Variants in DLST observed in about 807,000 individuals in gnomAD.
DLST encodes dihydrolipoyllysine-residue succinyltransferase component of 2-oxoglutarate dehydrogenase complex, mitochondrial.
A neutral mutation model predicts 53.1 loss-of-function variants in DLST; 17 were observed. The ratio of observed to expected loss-of-function variants is 0.32; its 90% CI spans 0.22 to 0.48. The LOEUF (loss-of-function observed/expected upper bound fraction) is 0.48, where lower values mean the gene tolerates loss of function less well. Among genes scored for constraint, DLST ranks in the 20% least tolerant of loss-of-function variants. The pLI is 0.99. For synonymous variants in DLST, 206 were observed against 204.8 expected (o/e 1.01, Z -0.05); for missense variants, 512 against 583.9 (o/e 0.88, Z 1.27).
Position 74,891,054 on chromosome 14 carries a change from A to G in DLST, c.331-2A>G, listed in dbSNP as rs1478734100. The G allele has an allele frequency of 2.5e-6, 4 of 1,606,788 alleles. No individual in the cohort carries two copies. Among genetic ancestry groups the G allele is most frequent in the Non-Finnish European group, 3.4e-6 (4 of 1,174,964 alleles). On this transcript the variant is annotated splice_acceptor_variant, in intron 6 of 14. Coordinates refer to ENST00000334220, the MANE Select transcript of DLST (RefSeq NM_001933.5). LOFTEE classifies it high-confidence loss of function. ...CTTCCTCCATCTGTCTTCCTCTTCC[A>G]GACATCTGTGCAGGTTCCATCACCA...
intron 2 of DLST, among the ~76,000 whole-genome samples, chr14:74,884,316 T>TG (rs146494325): frequency 6.6e-6 from 1 of 152,250 alleles, no homozygotes; most frequent in African/African-American, 2.4e-5. Flanking sequence ...CGGCTTGTAG[T>TG]GGACTCTCAA....
intron 3 of DLST, among the ~76,000 whole-genome samples, chr14:74,887,152 T>C (rs2300596): frequency 0.64 from 96,748 of 152,032 alleles, 32,357 homozygotes; most frequent in African/African-American, 0.86. Context: ...AGATTTATCT[T>C]AAAATGGCAA....
intron 10 of DLST, among the ~76,000 whole-genome samples, chr14:74,895,683 T>TGAGGCCAGGAGTTC (rs1884055384): frequency 6.6e-6 from 1 of 152,138 alleles, no homozygotes; most frequent in East Asian, 1.9e-4. Flanking sequence ...GTGGATCACA[T>TGAGGCCAGGAGTTC]GAGGCCAGGA....
intron 13 of DLST, among the ~76,000 whole-genome samples, chr14:74,900,607 G>A (rs571759105): frequency 6.6e-6 from 1 of 152,344 alleles, no homozygotes; most frequent in South Asian, 2.1e-4. Context: ...GTCTTCAACT[G>A]TATGAAATTG....
chr14:74,886,283 G>A (rs1340406508), intron 3 of DLST, among the ~76,000 whole-genome samples: 1 of 152,218 alleles, frequency 6.6e-6, no homozygotes, highest in Non-Finnish European at 1.5e-5. Context: ...AAGTGAAGAG[G>A]TCAGCGGATG....
In DLST at chr14:74,889,110, C is replaced by T. The variant is rs1375855946; in HGVS notation, c.162C>T (p.Val54=). The T allele has an allele frequency of 1.9e-6, 3 of 1,614,008 alleles. No homozygotes were observed. Among genetic ancestry groups the T allele is most frequent in the Non-Finnish European group, 2.5e-6 (3 of 1,180,034 alleles). Reference sequence around the variant, plus strand: ...TCTTTTGTAGCATTAACAACAGTGTCTTCAGTGTTCGCTTTTTCAGAACTA... The same window carrying T: ...TCTTTTGTAGCATTAACAACAGTGTTTTCAGTGTTCGCTTTTTCAGAACTA... ...NSRKVVINNS[V]FSVRFFRTTA... The change falls in exon 4 of 15, where the codon GTC becomes GTT. Residue 54 remains valine (V), a synonymous_variant. Transcript: ENST00000334220.
chr14:74,889,884 A>C lies in DLST; in HGVS notation c.275-13A>C. 1 of 1,613,668 alleles carries C rather than the reference A, an allele frequency of 6.2e-7. No individual in the cohort carries two copies. Among genetic ancestry groups the C allele is most frequent in the South Asian group, 1.1e-5 (1 of 91,028 alleles). ...CTAACAGGTAGCCTTGTAGCCTTTG[A>C]TTGTCTTTTCAGCTGTTGGAGACAC... is the stretch of plus-strand genomic sequence containing the variant. On this transcript the variant is annotated splice_polypyrimidine_tract_variant and intron_variant, in intron 5 of 14. Transcript: ENST00000334220.
chr14:74,887,283 C>A (rs1445684223), intron 3 of DLST, among the ~76,000 whole-genome samples: 1 of 152,086 alleles, frequency 6.6e-6, no homozygotes, highest in Non-Finnish European at 1.5e-5. Context: ...TGTAAGTATT[C>A]TTTTTGCTAT....
chr14:74,896,551 T>C (rs1884082961), intron 10 of DLST, among the ~76,000 whole-genome samples: 1 of 152,226 alleles, frequency 6.6e-6, no homozygotes, highest in African/African-American at 2.4e-5. Flanking sequence ...GCTGTGGCAT[T>C]GTTCAGAGTA....
intron 5 of DLST, chr14:74,889,653 CTGAGCCACTGCG>C (rs1020443089): frequency 6.5e-5 from 36 of 556,718 alleles, no homozygotes; most frequent in East Asian, 3.3e-4. Flanking sequence ...GATTACAGGC[CTGAGCCACTGCG>C]TGAGCCACTG....
chr14:74,890,090 T>A, intron 6 of DLST, 138 bp downstream of exon 6: 5 of 533,040 alleles, frequency 9.4e-6, no homozygotes, highest in Non-Finnish European at 1.6e-5. Context: ...TTGGATTTGT[T>A]CAATTTAAAA....
At position 74,881,922 on chromosome 14, in the gene DLST, G is replaced by C. The variant is rs1429590232; in HGVS notation, c.-32G>C. ...CCGGTTGTTGTCCGGCCCTATATCC[G>C]GTGTCCGCCCGCCCTCGGCTCCTCC... On this transcript the variant is annotated 5_prime_UTR_variant, in exon 1 of 15. Transcript: ENST00000334220. The C allele has an allele frequency of 1.3e-6, 2 of 1,518,350 alleles. No homozygotes were observed. The highest frequency in any genetic ancestry group is 1.8e-6 in the Non-Finnish European group (2 of 1,138,420). The allele number at this position is 1,518,350 out of a possible 1,614,324, so 94.1% of individuals were successfully genotyped here.
chr14:74,894,293 GT>G lies in DLST; in HGVS notation c.673-17del. ...CAGAGAGATCAGATTGTCAATGCTT[GT>G]TCCACTCTTACTTTCAGGAGAAAAT... On this transcript the variant is annotated intron_variant, in intron 9 of 14. Transcript: ENST00000334220. 1.2e-6 allele frequency: 2 copies of G among 1,613,680 alleles called. No homozygotes were observed. The highest frequency in any genetic ancestry group is 1.7e-6 in the Non-Finnish European group (2 of 1,179,780).
In DLST at chr14:74,900,513, AT is replaced by A. The variant is rs1448428561; in HGVS notation, c.1059+145del. 5.8e-5 allele frequency: 39 copies of A among 676,194 alleles called. 1 individual carries two copies. The highest frequency in any genetic ancestry group is 9.6e-5 in the Non-Finnish European group (37 of 385,238). 41.9% of individuals were successfully genotyped at this position (676,194 alleles called of 1,614,324 possible). ...AAGCAGTTGCCCATGAGAGCTAAGT[AT>A]TTTATATATCTGGTGGAGTTTACCA... is the stretch of plus-strand genomic sequence containing the variant. On this transcript the variant is annotated intron_variant, in intron 13 of 14. Transcript: ENST00000334220.
Position 74,885,567 on chromosome 14 carries a change from G to A in DLST, c.98-19G>A. ...GTGAGATAAGAGTTGTTGGTTAAGA[G>A]TTATTTTGTTTCTTGCAGGGGTCTC... On this transcript the variant is annotated intron_variant, in intron 2 of 14. Coordinates refer to ENST00000334220, the MANE Select transcript of DLST (RefSeq NM_001933.5). The A allele has an allele frequency of 6.2e-7, 1 of 1,614,006 alleles. No homozygotes were observed. The highest frequency in any genetic ancestry group is 8.5e-7 in the Non-Finnish European group (1 of 1,179,874).
chr14:74,895,239 C>G (rs1271851417), intron 10 of DLST, among the ~76,000 whole-genome samples: 1 of 152,156 alleles, frequency 6.6e-6, no homozygotes, highest in Admixed American at 6.5e-5. Flanking sequence ...TTACCCAGCT[C>G]TGACAGTGAA....
chr14:74,892,790 C>A, intron 7 of DLST, 44 bp from the exon 8 acceptor site: 1 of 1,544,952 alleles, frequency 6.5e-7, no homozygotes, highest in South Asian at 1.2e-5. Context: ...GGTTGCTTCT[C>A]ATTTCAGACA....
Position 74,891,768 on chromosome 14 carries a change from C to T in DLST, c.442+601C>T, listed in dbSNP as rs940807150. On this transcript the variant is annotated intron_variant, in intron 7 of 14. Coordinates refer to ENST00000334220, the MANE Select transcript of DLST (RefSeq NM_001933.5). ...TTCTTTTTCCTAAGCGAGAATCGTA[C>T]CCGTAGACCAACGAGTCACAGAAGT... The T allele has an allele frequency of 5.1e-6, 5 of 984,902 alleles. No homozygotes were observed. The African/African-American group carries it at 5.2e-5, about 10-fold the overall frequency. 61.0% of individuals were successfully genotyped at this position (984,902 alleles called of 1,614,324 possible).
Position 74,902,215 on chromosome 14 carries a change from T to C in DLST, c.1247T>C (p.Met416Thr), listed in dbSNP as rs371755801. 2 of 1,605,658 alleles carry C rather than the reference T, an allele frequency of 1.2e-6. No individual in the cohort carries two copies. The highest frequency in any genetic ancestry group is 1.7e-6 in the Non-Finnish European group (2 of 1,174,946). Residue 416 changes from methionine (M) to threonine (T), a missense_variant, in exon 15 of 15, where the codon ATG (methionine) becomes ACG (threonine). Physicochemically the swap from Met to Thr is moderately conservative, Grantham distance 81. Around this residue, in one of 4 missense-constraint regions of DLST, gnomAD observed 186 missense variants for 260.4 expected, o/e 0.71. Transcript: ENST00000334220. ...CTGTAGGTAGAGGTGCGGCCCATGATGTACGTGGCACTGACCTATGATCAC... is the reference window on the plus strand; with the variant it reads ...CTGTAGGTAGAGGTGCGGCCCATGACGTACGTGGCACTGACCTATGATCAC... The part of the protein sequence containing the change: ...IGGKVEVRPM[M>T]YVALTYDHRL...
Sources: allele counts gnomAD v4.1 joint callset (sites outside exome capture counted in the v4.1 genomes callset), GRCh38; gene constraint gnomAD v4.1.1; regional missense constraint gnomAD v4.1.1; transcripts MANE v1.5; gene names NCBI Gene and HGNC (gene_info 2026-07-23, HGNC 2026-07-21).